Variants in THSD7A observed in about 807,000 individuals in gnomAD.
The protein encoded by THSD7A is thrombospondin type 1 domain containing 7A.
In THSD7A, 96 loss-of-function variants were observed where a neutral mutation model predicts 231.3. The observed-to-expected ratio is 0.41, with a 90% CI of 0.35 to 0.49. THSD7A has a LOEUF of 0.49. THSD7A is among the 20% of genes least tolerant of loss of function. THSD7A has a pLI of 0.05. For synonymous variants in THSD7A, 940 were observed against 743.3 expected, an observed-to-expected ratio of 1.26 and a Z score of -4.30; for missense variants, 2,290 against 2,070.2, an observed-to-expected ratio of 1.11 and a Z score of -2.06.
At chr7:11,395,018 C>G (rs1783127181) in intron 23 of THSD7A, among the ~76,000 whole-genome samples, 1 of 152,058 alleles carries the variant, frequency 6.6e-6, no homozygotes. Flanking sequence ...AAGACACAGA[C>G]TGGCAAATTG....
intron 1 of THSD7A, among the ~76,000 whole-genome samples, chr7:11,728,329 T>C (rs926859401): frequency 3.9e-5 from 6 of 152,000 alleles, no homozygotes; most frequent in African/African-American, 1.4e-4. Flanking sequence ...CCTTTTCATA[T>C]ACTGGAGTTT....
chr7:11,434,655 A>C (rs1784576490), intron 13 of THSD7A, among the ~76,000 whole-genome samples: 1 of 152,118 alleles, frequency 6.6e-6, no homozygotes, highest in Non-Finnish European at 1.5e-5. Context: ...GCAACCTCAA[A>C]AAATCTCTTC....
chr7:11,621,741 T>C (rs1012927215), intron 2 of THSD7A, among the ~76,000 whole-genome samples: 3 of 152,136 alleles, frequency 2.0e-5, no homozygotes, highest in African/African-American at 7.2e-5. Context: ...AGGATAAAAA[T>C]AATTATAAAA....
Position 11,374,188 on chromosome 7 carries a change from A to AAGTT in THSD7A, c.*1602_*1605dup, listed in dbSNP as rs1261791091. 6.6e-6 allele frequency: 1 copy of AAGTT among 152,132 alleles called. No individual in the cohort carries two copies. The highest frequency in any genetic ancestry group is 2.4e-5 in the African/African-American group (1 of 41,454). The allele number at this position is 152,132 out of a possible 1,614,324, so 9.4% of individuals were successfully genotyped here. A position where few individuals can be genotyped will look rare whatever the true frequency, so the allele number is the denominator to read the frequency against. On this transcript the variant is annotated 3_prime_UTR_variant, in exon 28 of 28. Transcript: ENST00000423059. ...GGCCTACTGGCTGTTTTTGTAAGGG[A>AAGTT]AGTTATATAGGAAAACAGTTATGTT...
chr7:11,410,245 G>A (rs1277441929), intron 19 of THSD7A, among the ~76,000 whole-genome samples: 2 of 133,908 alleles, frequency 1.5e-5, no homozygotes, highest in African/African-American at 6.1e-5. Context: ...TCTCATGAAC[G>A]GAGATGTAAG....
At chr7:11,715,184 T>C (rs10223947) in intron 1 of THSD7A, among the ~76,000 whole-genome samples, 6,778 of 151,530 alleles carry the variant, frequency 0.045, 509 homozygotes, top group African/African-American at 0.15. Context: ...AAATTCCATG[T>C]AGAAAAATCA....
intron 6 of THSD7A, among the ~76,000 whole-genome samples, chr7:11,522,885 G>A (rs764988327): frequency 9.9e-5 from 15 of 151,970 alleles, no homozygotes; most frequent in South Asian, 4.2e-4. Context: ...TTTTTCTTTC[G>A]TTATACTTTT....
chr7:11,426,650 G>T lies in THSD7A; in HGVS notation c.3249+16C>A. 1 of 1,555,812 alleles carries T rather than the reference G, an allele frequency of 6.4e-7. No individual in the cohort carries two copies. Among genetic ancestry groups the T allele is most frequent in the South Asian group, 1.2e-5 (1 of 84,282 alleles). On this transcript the variant is annotated intron_variant, in intron 15 of 27. Transcript: ENST00000423059. ...GAAGGATTCTATCAAAAAGCATGAG[G>T]TTTAAGAGTTCTTACCTGTGCCTGG... is the stretch of plus-strand genomic sequence containing the variant.
At chr7:11,512,782 G>A (rs1787866874) in intron 6 of THSD7A, among the ~76,000 whole-genome samples, 2 of 110,732 alleles carry the variant, frequency 1.8e-5, no homozygotes, top group Non-Finnish European at 3.5e-5. Context: ...CTGTCATGGG[G>A]CGGGGGGAGG....
chr7:11,831,666 C>G lies in THSD7A; in HGVS notation c.190+91G>C. The stretch of plus-strand genomic sequence containing the variant: ...AGGATACCAGCATAACCAAGCCATC[C>G]AAAAGCACCGGGGTCCCTACAGAAG... On this transcript the variant is annotated intron_variant, in intron 1 of 27. Transcript: ENST00000423059. The surrounding 1 kb of genome is among the most constrained non-coding windows in gnomAD (Gnocchi z 5.0). 1.0e-6 allele frequency: 1 copy of G among 1,003,456 alleles called. No individual in the cohort carries two copies. Among genetic ancestry groups the G allele is most frequent in the Non-Finnish European group, 1.3e-6 (1 of 769,826 alleles). 62.2% of individuals were successfully genotyped at this position (1,003,456 alleles called of 1,614,324 possible). A position where few individuals can be genotyped will look rare whatever the true frequency, so the allele number is the denominator to read the frequency against.
intron 2 of THSD7A, among the ~76,000 whole-genome samples, chr7:11,601,879 T>G (rs970355446): frequency 6.6e-6 from 1 of 152,220 alleles, no homozygotes; most frequent in Non-Finnish European, 1.5e-5. Context: ...TTCAAGAGGT[T>G]AGAAAACTTG....
intron 1 of THSD7A, among the ~76,000 whole-genome samples, chr7:11,816,772 C>T (rs1228161189): frequency 6.6e-6 from 1 of 152,000 alleles, no homozygotes; most frequent in Non-Finnish European, 1.5e-5. Context: ...TTAAAAGTCA[C>T]TACTATAAAT....
At chr7:11,415,867 A>C (rs1330304910) in intron 17 of THSD7A, among the ~76,000 whole-genome samples, 1 of 152,140 alleles carries the variant, frequency 6.6e-6, no homozygotes, top group Non-Finnish European at 1.5e-5. Context: ...GGTGTAACCA[A>C]TCTAGCTGTT....
intron 6 of THSD7A, among the ~76,000 whole-genome samples, chr7:11,519,095 GTT>G (rs1236080241): frequency 2.0e-5 from 3 of 151,944 alleles, no homozygotes; most frequent in Non-Finnish European, 2.9e-5. Context: ...CTTTTTTCCT[GTT>G]TTTAATTTTT....
chr7:11,534,917 G>C (rs942735862), intron 6 of THSD7A, among the ~76,000 whole-genome samples: 1 of 152,200 alleles, frequency 6.6e-6, no homozygotes, highest in Non-Finnish European at 1.5e-5. Flanking sequence ...GCTAAGGCAG[G>C]AGGATTGCTG....
intron 2 of THSD7A, among the ~76,000 whole-genome samples, chr7:11,621,349 T>A (rs1415319610): frequency 6.6e-6 from 1 of 152,174 alleles, no homozygotes; most frequent in Non-Finnish European, 1.5e-5. Flanking sequence ...CTAGTTTCTA[T>A]TGATTTTAAT....
chr7:11,420,549 G>A (rs997589611), intron 16 of THSD7A, among the ~76,000 whole-genome samples: 4 of 152,256 alleles, frequency 2.6e-5, no homozygotes, highest in Non-Finnish European at 5.9e-5. Flanking sequence ...CCTGGCAGAA[G>A]TCTGTTGCAG....
intron 1 of THSD7A, among the ~76,000 whole-genome samples, chr7:11,782,326 C>T (rs1055640595): frequency 3.9e-5 from 6 of 151,948 alleles, no homozygotes; most frequent in East Asian, 3.9e-4. Flanking sequence ...TGTTAGGAAT[C>T]AATGGGAAAT....
rs1029773235 is a variant in THSD7A at position 11,481,942 on chromosome 7, G to A, written c.1863C>T (p.Phe621=). ...GGGCATCACAGGCCACAGGGATGGGGAAGATGGCATCTCTGCACAGCTGTC... is the reference window on the plus strand; with the variant it reads ...GGGCATCACAGGCCACAGGGATGGGAAAGATGGCATCTCTGCACAGCTGTC... ...VDRQLCRDAI[F]PIPVACDAPC... Residue 621 remains phenylalanine, a synonymous_variant, in exon 7 of 28, where the codon TTC becomes TTT. Coordinates refer to ENST00000423059, the MANE Select transcript of THSD7A (RefSeq NM_015204.3). The A allele has an allele frequency of 2.5e-6, 4 of 1,613,450 alleles. No homozygotes were observed. The highest frequency in any genetic ancestry group is 1.3e-5 in the African/African-American group (1 of 74,926).
Sources: gnomAD v4.1 joint callset for allele counts (sites outside exome capture counted in the v4.1 genomes callset) on GRCh38, gnomAD v4.1.1 for gene constraint, Gnocchi (gnomAD v3.1) non-coding constraint, MANE v1.5 for transcripts, NCBI Gene and HGNC (gene_info 2026-07-23, HGNC 2026-07-21) for gene names.